Variants in TSHR observed in about 807,000 individuals in gnomAD.
TSHR encodes the protein thyroid stimulating hormone receptor, also known as thyrotropin receptor.
In TSHR, 51 loss-of-function variants were observed where a neutral mutation model predicts 64.1. The ratio of observed to expected loss-of-function variants is 0.80; its 90% CI spans 0.64 to 1.01. The LOEUF is 1.01. Ranked by LOEUF, TSHR falls within the 50% of genes least tolerant of loss-of-function variation. TSHR has a pLI of 0.00. For synonymous variants in TSHR, 361 were observed against 361.9 expected, an observed-to-expected ratio of 1.00 and a Z score of 0.03; for missense variants, 877 against 942.8, an observed-to-expected ratio of 0.93 and a Z score of 0.91.
At chr14:81,100,109 T>G (rs1349354245) in intron 7 of TSHR, among the ~76,000 whole-genome samples, 4 of 152,238 alleles carry the variant, frequency 2.6e-5, no homozygotes, top group Non-Finnish European at 5.9e-5. Context: ...TCCTTTAAAC[T>G]ATATTTCTTC....
intron 1 of TSHR, chr14:80,982,762 T>C: frequency 1.5e-6 from 1 of 645,882 alleles, no homozygotes; most frequent in Non-Finnish European, 2.6e-6. Flanking sequence ...TGCCTATTCT[T>C]TGCCTGTGGC....
At chr14:81,042,657 G>A (rs1263810258) in intron 1 of TSHR, among the ~76,000 whole-genome samples, 1 of 151,674 alleles carries the variant, frequency 6.6e-6, no homozygotes, top group East Asian at 1.9e-4. Flanking sequence ...AGAGGAGGAT[G>A]GGGAGAGATT....
chr14:81,009,991 C>T (rs1164488041), intron 1 of TSHR, among the ~76,000 whole-genome samples: 6 of 152,028 alleles, frequency 3.9e-5, no homozygotes, highest in East Asian at 1.9e-4. Context: ...AATTCACTCC[C>T]GAGTAAATGA....
intron 1 of TSHR, chr14:80,983,698 C>A: frequency 1.9e-6 from 1 of 532,550 alleles, no homozygotes; most frequent in Non-Finnish European, 3.3e-6. Flanking sequence ...CTGTACATTC[C>A]CAAAGAGCCT....
intron 1 of TSHR, among the ~76,000 whole-genome samples, chr14:80,960,584 C>T (rs1886967506): frequency 6.6e-6 from 1 of 151,972 alleles, no homozygotes; most frequent in Non-Finnish European, 1.5e-5. Flanking sequence ...AAAATGTGTC[C>T]ATCATATATA....
intron 1 of TSHR, among the ~76,000 whole-genome samples, chr14:81,040,296 T>C (rs912108392): frequency 6.6e-6 from 1 of 151,890 alleles, no homozygotes; most frequent in Non-Finnish European, 1.5e-5. Context: ...CCGTCTTTCA[T>C]CATATACAAA....
intron 8 of TSHR, among the ~76,000 whole-genome samples, chr14:81,111,913 G>C (rs548482435): frequency 6.6e-5 from 10 of 152,302 alleles, no homozygotes; most frequent in African/African-American, 2.4e-4. Context: ...ATTTTAGTCT[G>C]TTGTCCTCAA....
chr14:80,999,269 C>T (rs1282828814), intron 1 of TSHR, among the ~76,000 whole-genome samples: 3 of 152,124 alleles, frequency 2.0e-5, no homozygotes, highest in Non-Finnish European at 4.4e-5. Flanking sequence ...AAATCTACCA[C>T]CATTAGTCTT....
chr14:81,138,378 A>T (rs1891541205), intron 8 of TSHR, among the ~76,000 whole-genome samples: 1 of 151,526 alleles, frequency 6.6e-6, no homozygotes. Flanking sequence ...TTTAGTAGAG[A>T]TGGGGTTTCA....
intron 8 of TSHR, among the ~76,000 whole-genome samples, chr14:81,122,798 T>C (rs1890859748): frequency 6.6e-6 from 1 of 152,150 alleles, no homozygotes; most frequent in African/African-American, 2.4e-5. Flanking sequence ...TCCAGTATAA[T>C]TTGCTTTTTA....
intron 1 of TSHR, among the ~76,000 whole-genome samples, chr14:80,965,117 G>T (rs1280575052): frequency 6.6e-6 from 1 of 152,228 alleles, no homozygotes; most frequent in Admixed American, 6.5e-5. Context: ...GGGCAGGGAG[G>T]AGGAGGTAAC....
chr14:81,069,656 G>A (rs911863427), intron 3 of TSHR, among the ~76,000 whole-genome samples: 35 of 152,142 alleles, frequency 2.3e-4, no homozygotes, highest in Admixed American at 1.4e-3. Flanking sequence ...AAGAAGGATT[G>A]TTCCTAGTAA....
chr14:81,123,121 C>T (rs187059451), intron 8 of TSHR, among the ~76,000 whole-genome samples: 2 of 126,012 alleles, frequency 1.6e-5, no homozygotes, highest in South Asian at 2.7e-4. Flanking sequence ...AGCAAGACTC[C>T]GTCTAAGAAA....
chr14:80,994,205 C>G (rs1888887643), intron 1 of TSHR: 1 of 151,284 alleles, frequency 6.6e-6, no homozygotes, highest in Admixed American at 6.6e-5. Flanking sequence ...TGTAAAAGTA[C>G]AGTTTGCAAT....
At chr14:81,070,784 C>T (rs1426434641) in intron 3 of TSHR, among the ~76,000 whole-genome samples, 6 of 151,934 alleles carry the variant, frequency 3.9e-5, no homozygotes, top group African/African-American at 1.4e-4. Flanking sequence ...TATCTGCCAA[C>T]CCAACCAAAA....
chr14:80,973,368 T>C (rs1264966317), intron 1 of TSHR, among the ~76,000 whole-genome samples: 2 of 120,378 alleles, frequency 1.7e-5, no homozygotes, highest in Non-Finnish European at 3.2e-5. Context: ...ATCGCGCCAC[T>C]GCACTCACGC....
intron 2 of TSHR, among the ~76,000 whole-genome samples, chr14:81,062,845 G>A (rs996023551): frequency 5.9e-5 from 9 of 152,080 alleles, no homozygotes; most frequent in Non-Finnish European, 1.3e-4. Context: ...TCAGGCATGC[G>A]AAATAATATA....
At chr14:81,140,323 A>G (rs1382253115) in intron 9 of TSHR, among the ~76,000 whole-genome samples, 1 of 152,170 alleles carries the variant, frequency 6.6e-6, no homozygotes, top group African/African-American at 2.4e-5. Flanking sequence ...ACATGCCTGC[A>G]GGCTTTGGAG....
At chr14:81,072,079 G>A (rs1412895003) in intron 3 of TSHR, among the ~76,000 whole-genome samples, 1 of 152,182 alleles carries the variant, frequency 6.6e-6, no homozygotes, top group Non-Finnish European at 1.5e-5. Flanking sequence ...GATGTAGTTG[G>A]TCACCTATTA....
Sources: gnomAD v4.1 joint callset for allele counts (sites outside exome capture counted in the v4.1 genomes callset) on GRCh38, gnomAD v4.1.1 for gene constraint, MANE v1.5 for transcripts, NCBI Gene and HGNC (gene_info 2026-07-23, HGNC 2026-07-21) for gene names.